Variants in ZNF362 observed in about 807,000 individuals in gnomAD.
ZNF362 encodes zinc finger protein 362.
A neutral mutation model predicts 42.9 loss-of-function variants in ZNF362; 11 were observed. That is an observed-to-expected ratio of 0.26 (90% CI 0.16 to 0.42). The LOEUF (loss-of-function observed/expected upper bound fraction) is 0.42, where lower values mean the gene tolerates loss of function less well. Ranked by LOEUF, ZNF362 falls within the 20% of genes least tolerant of loss-of-function variation. The probability of loss-of-function intolerance (pLI) is 1.00; values close to 1 mark genes in which losing one functional copy is unlikely to be tolerated. For synonymous variants in ZNF362, 255 were observed against 257.3 expected, an observed-to-expected ratio of 0.99 and a Z score of 0.09; for missense variants, 362 against 576.2, an observed-to-expected ratio of 0.63 and a Z score of 3.81.
chr1:33,201,381 T>C, the ZNF362 span, among the ~76,000 whole-genome samples: 1 of 152,174 alleles, frequency 6.6e-6, no homozygotes, highest in African/African-American at 2.4e-5. Flanking sequence ...AGACAGACCA[T>C]ATTCTGGGGC....
the ZNF362 span, among the ~76,000 whole-genome samples, chr1:33,186,666 C>T: frequency 6.9e-6 from 1 of 144,662 alleles, no homozygotes; most frequent in East Asian, 2.1e-4. Flanking sequence ...ATTAGCTGGG[C>T]GTGGTGGCGG....
At chr1:33,240,892 C>T in the ZNF362 span, among the ~76,000 whole-genome samples, 1 of 152,214 alleles carries the variant, frequency 6.6e-6, no homozygotes, top group Non-Finnish European at 1.5e-5. Context: ...TTTTCAATCT[C>T]ACTTTGCTGG....
chr1:33,179,868 C>A, the ZNF362 span, among the ~76,000 whole-genome samples: 7 of 152,254 alleles, frequency 4.6e-5, no homozygotes, highest in East Asian at 1.2e-3. Context: ...AACAAAATTT[C>A]TCTAAGCTTT....
chr1:33,152,871 G>A, the ZNF362 span, among the ~76,000 whole-genome samples: 1 of 152,146 alleles, frequency 6.6e-6, no homozygotes, highest in Non-Finnish European at 1.5e-5. Flanking sequence ...CCCAGGATGG[G>A]GAGAAGGCAG....
At chr1:33,262,344 C>G (rs531871074) in intron 1 of ZNF362, among the ~76,000 whole-genome samples, 8 of 124,498 alleles carry the variant, frequency 6.4e-5, no homozygotes, top group Non-Finnish European at 1.2e-4. Flanking sequence ...TTGCTCTGTC[C>G]CCCAGGCTGG....
At position 33,280,897 on chromosome 1, in the gene ZNF362, C is replaced by T. The variant is rs1570399845; in HGVS notation, c.683+440C>T. Among the ~76,000 whole-genome samples, 1 of 152,114 alleles carries T rather than the reference C, an allele frequency of 6.6e-6. No homozygotes were observed. The highest frequency in any genetic ancestry group is 2.4e-5 in the African/African-American group (1 of 41,432). ...CAGCCTGGCCAGCATGGTGAAACCT[C>T]GTCTCTACAAAAAATACAAAAGTTA... On this transcript the variant is annotated intron_variant, in intron 5 of 8. Coordinates refer to ENST00000539719, the MANE Select transcript of ZNF362 (RefSeq NM_152493.3). This position sits in a 1 kb window ranked among gnomAD's most constrained non-coding sequence, Gnocchi z 5.6.
At chr1:33,188,669 A>G in the ZNF362 span, among the ~76,000 whole-genome samples, 1 of 152,202 alleles carries the variant, frequency 6.6e-6, no homozygotes, top group Non-Finnish European at 1.5e-5. Flanking sequence ...ACTTAGTAGT[A>G]ATACCTAGGT....
chr1:33,258,985 A>G (rs1645812193), intron 1 of ZNF362, among the ~76,000 whole-genome samples: 1 of 152,096 alleles, frequency 6.6e-6, no homozygotes, highest in Non-Finnish European at 1.5e-5. Flanking sequence ...GGACTCTTCT[A>G]GGTTTTGGAC....
chr1:33,170,175 C>G, the ZNF362 span, among the ~76,000 whole-genome samples: 1 of 152,102 alleles, frequency 6.6e-6, no homozygotes, highest in Non-Finnish European at 1.5e-5. Context: ...ACTAAAAATA[C>G]AAAAATTAGC....
chr1:33,269,695 A>C (rs1345656548), intron 1 of ZNF362, among the ~76,000 whole-genome samples: 1 of 152,176 alleles, frequency 6.6e-6, no homozygotes, highest in East Asian at 1.9e-4. Context: ...AACCATGCCC[A>C]GCCCAGTCAA....
At chr1:33,272,188 GA>G (rs1181000273) in intron 2 of ZNF362, among the ~76,000 whole-genome samples, 1 of 152,222 alleles carries the variant, frequency 6.6e-6, no homozygotes, top group Non-Finnish European at 1.5e-5. Context: ...GGCCATGGAG[GA>G]CAGGACTGGA....
At chr1:33,292,381 C>G (rs573941067) in intron 6 of ZNF362, among the ~76,000 whole-genome samples, 2 of 152,132 alleles carry the variant, frequency 1.3e-5, no homozygotes, top group Admixed American at 6.5e-5. Context: ...TATTGATTTG[C>G]GTATGTTGAA....
chr1:33,245,016 G>A, the ZNF362 span, among the ~76,000 whole-genome samples: 1 of 152,156 alleles, frequency 6.6e-6, no homozygotes, highest in African/African-American at 2.4e-5. Context: ...GGTGCACAGG[G>A]TCTAGTCTGG....
In ZNF362 at chr1:33,266,431, G is replaced by A. The variant is rs576188959; in HGVS notation, c.-88-4056G>A. On this transcript the variant is annotated intron_variant, in intron 1 of 8. Coordinates refer to ENST00000539719, the MANE Select transcript of ZNF362 (RefSeq NM_152493.3). This position sits in a 1 kb window ranked among gnomAD's most constrained non-coding sequence, Gnocchi z 4.3. ...GGAGACAGGCCTAAAGCATATTTAGGTGCATGGTATTAATACAAAGGTGGG... is the reference window on the plus strand; with the variant it reads ...GGAGACAGGCCTAAAGCATATTTAGATGCATGGTATTAATACAAAGGTGGG... Among the ~76,000 whole-genome samples the A allele has an allele frequency of 3.8e-4, 58 of 152,352 alleles. No homozygotes were observed. The highest frequency in any genetic ancestry group is 1.3e-3 in the African/African-American group (56 of 41,580).
chr1:33,128,903 A>G, the ZNF362 span, among the ~76,000 whole-genome samples: 3 of 152,244 alleles, frequency 2.0e-5, no homozygotes, highest in Non-Finnish European at 4.4e-5. Flanking sequence ...TTGGTGTGGT[A>G]AGTGCTGTGT....
chr1:33,144,588 AG>A, the ZNF362 span, among the ~76,000 whole-genome samples: 10 of 152,264 alleles, frequency 6.6e-5, no homozygotes, highest in Non-Finnish European at 4.4e-5. Context: ...GCCTGTCTAT[AG>A]TACTCAGTAA....
the ZNF362 span, chr1:33,165,513 G>A: frequency 5.6e-6 from 9 of 1,610,402 alleles, no homozygotes; most frequent in African/African-American, 8.0e-5. The surrounding 1 kb of genome is among the most constrained non-coding windows in gnomAD (Gnocchi z 4.0). Flanking sequence ...GCAGCGCTTC[G>A]GTGTGTTCCC....
the ZNF362 span, among the ~76,000 whole-genome samples, chr1:33,178,961 T>C: frequency 2.6e-5 from 4 of 152,176 alleles, no homozygotes; most frequent in Non-Finnish European, 5.9e-5. Flanking sequence ...GGCTAGAAGG[T>C]CAGACAAGGA....
chr1:33,250,454 G>A, the ZNF362 span, among the ~76,000 whole-genome samples: 31 of 152,352 alleles, frequency 2.0e-4, no homozygotes, highest in South Asian at 6.2e-3. Context: ...GATGGAGCTG[G>A]AAGCCGTTAT....
Sources: allele counts gnomAD v4.1 joint callset (sites outside exome capture counted in the v4.1 genomes callset), GRCh38; gene constraint gnomAD v4.1.1; non-coding constraint Gnocchi (gnomAD v3.1); transcripts MANE v1.5; gene names NCBI Gene and HGNC (gene_info 2026-07-23, HGNC 2026-07-21).